KLF12: variants seen among roughly 807,000 people sequenced by gnomAD.
The protein encoded by KLF12 is Krueppel-like factor 12.
KLF12 carries 9 observed loss-of-function variants against 37.8 expected under a neutral mutation model. The observed-to-expected ratio is 0.24, with a 90% confidence interval of 0.14 to 0.42. KLF12 has a LOEUF of 0.42. Among genes scored for constraint, KLF12 ranks in the 10% least tolerant of loss-of-function variants. The pLI is 1.00. For synonymous variants in KLF12, 208 were observed against 202.1 expected (o/e 1.03, Z -0.25); for missense variants, 411 against 516.0 (o/e 0.80, Z 1.97).
chr13:73,842,506 A>G (rs1884790823), intron 4 of KLF12, among the ~76,000 whole-genome samples: 1 of 152,192 alleles, frequency 6.6e-6, no homozygotes, highest in South Asian at 2.1e-4. Context: ...TGCACAATAG[A>G]CAGCTGAAAG....
At chr13:74,009,212 G>C (rs1229992218) in intron 1 of KLF12, among the ~76,000 whole-genome samples, 2 of 152,200 alleles carry the variant, frequency 1.3e-5, no homozygotes, top group African/African-American at 4.8e-5. Context: ...CACTTGGAAT[G>C]CTCAGGAATC....
At chr13:74,275,156 G>A in the KLF12 span, among the ~76,000 whole-genome samples, 1 of 152,150 alleles carries the variant, frequency 6.6e-6, no homozygotes, top group Non-Finnish European at 1.5e-5. Context: ...TGAAAGCCTT[G>A]TAATTTGAAC....
chr13:74,095,771 A>C (rs566612270), intron 1 of KLF12, among the ~76,000 whole-genome samples: 1 of 152,342 alleles, frequency 6.6e-6, no homozygotes, highest in African/African-American at 2.4e-5. Flanking sequence ...GAATTAAAAC[A>C]ATTTAAACCC....
the KLF12 span, among the ~76,000 whole-genome samples, chr13:74,298,335 C>T: frequency 2.6e-5 from 4 of 152,164 alleles, no homozygotes; most frequent in South Asian, 8.3e-4. Flanking sequence ...TAGAAGTAGA[C>T]TGTGAAATTG....
the KLF12 span, among the ~76,000 whole-genome samples, chr13:74,291,504 G>A: frequency 6.6e-6 from 1 of 152,176 alleles, no homozygotes; most frequent in Admixed American, 6.5e-5. Context: ...AGACAACAAG[G>A]TCAGTCTGTT....
chr13:74,088,407 T>C (rs1272052781), intron 1 of KLF12, among the ~76,000 whole-genome samples: 1 of 152,096 alleles, frequency 6.6e-6, no homozygotes, highest in Non-Finnish European at 1.5e-5. Flanking sequence ...TTTATATTTT[T>C]AGTAAAGACG....
intron 6 of KLF12, among the ~76,000 whole-genome samples, chr13:73,716,920 G>C (rs1205222032): frequency 6.6e-6 from 1 of 152,052 alleles, no homozygotes; most frequent in East Asian, 1.9e-4. Context: ...GCTTATTACA[G>C]TTTTACTGGC....
chr13:73,770,792 G>A (rs1260043295), intron 5 of KLF12, among the ~76,000 whole-genome samples: 2 of 152,104 alleles, frequency 1.3e-5, no homozygotes, highest in Admixed American at 6.6e-5. Context: ...CAAAGTGCTG[G>A]GATTACAGGC....
chr13:73,947,935 A>G (rs2139391249), intron 2 of KLF12, among the ~76,000 whole-genome samples: 1 of 152,310 alleles, frequency 6.6e-6, no homozygotes, highest in East Asian at 1.9e-4. Context: ...CAAATGGAGT[A>G]ATAAGGAGCT....
At chr13:74,125,934 G>T (rs576509580) in intron 1 of KLF12, among the ~76,000 whole-genome samples, 31 of 152,134 alleles carry the variant, frequency 2.0e-4, no homozygotes, top group Non-Finnish European at 3.2e-4. Flanking sequence ...AAGTCCAGGG[G>T]GCTTTCTAGC....
At chr13:74,301,885 C>T in the KLF12 span, among the ~76,000 whole-genome samples, 5 of 152,168 alleles carry the variant, frequency 3.3e-5, no homozygotes, top group Admixed American at 3.3e-4. Context: ...GTTAAATGAC[C>T]GCCCAGCACC....
the KLF12 span, among the ~76,000 whole-genome samples, chr13:74,143,244 T>C: frequency 1.5e-5 from 2 of 131,842 alleles, no homozygotes; most frequent in Non-Finnish European, 3.3e-5. Context: ...AAATTGTGGA[T>C]AATTTATCCA....
upstream of KLF12, among the ~76,000 whole-genome samples, chr13:74,135,963 C>G (rs534310185): frequency 3.6e-4 from 55 of 152,296 alleles, no homozygotes; most frequent in African/African-American, 1.2e-3. Flanking sequence ...AAGGCGGCGT[C>G]TGCCTGGTGC....
intron 1 of KLF12, among the ~76,000 whole-genome samples, chr13:74,063,027 C>G (rs1393984189): frequency 6.6e-6 from 1 of 152,166 alleles, no homozygotes; most frequent in Non-Finnish European, 1.5e-5. Flanking sequence ...TGCTGTCAGT[C>G]AGCAGGAAAA....
At chr13:74,031,355 T>G (rs966426362) in intron 1 of KLF12, among the ~76,000 whole-genome samples, 4 of 152,170 alleles carry the variant, frequency 2.6e-5, no homozygotes, top group African/African-American at 7.2e-5. Flanking sequence ...CTACCAACAA[T>G]ATGCTATATG....
chr13:74,183,531 G>C, the KLF12 span, among the ~76,000 whole-genome samples: 1 of 151,600 alleles, frequency 6.6e-6, no homozygotes, highest in Non-Finnish European at 1.5e-5. Flanking sequence ...TTTTTTTCTG[G>C]TTATGAAAAC....
chr13:73,861,849 T>A (rs549258390), intron 3 of KLF12, among the ~76,000 whole-genome samples: 4 of 152,178 alleles, frequency 2.6e-5, no homozygotes, highest in Non-Finnish European at 5.9e-5. Context: ...TGTATTCTTG[T>A]GACATCTTAG....
At chr13:73,928,621 T>C (rs1159384890) in intron 3 of KLF12, among the ~76,000 whole-genome samples, 3 of 152,234 alleles carry the variant, frequency 2.0e-5, no homozygotes, top group Non-Finnish European at 4.4e-5. Flanking sequence ...TATTTCAATA[T>C]GCATTTTTCA....
In KLF12 at chr13:73,906,253, A is replaced by G. The variant is rs186905888; in HGVS notation, c.123+37728T>C. Among the ~76,000 whole-genome samples, 220 of 152,296 alleles carry G rather than the reference A, an allele frequency of 1.4e-3. 1 individual carries two copies. The highest frequency in any genetic ancestry group is 4.4e-3 in the African/African-American group (184 of 41,556). ...TACTTTGTACAACCTGAATCTTGGA[A>G]TTTGCATGTTTTATTAGTTCATAAA... On this transcript the variant is annotated intron_variant, in intron 3 of 7. Transcript: ENST00000377669.
Sources: gnomAD v4.1 joint callset for allele counts (sites outside exome capture counted in the v4.1 genomes callset) on GRCh38, gnomAD v4.1.1 for gene constraint, MANE v1.5 for transcripts, NCBI Gene and HGNC (gene_info 2026-07-23, HGNC 2026-07-21) for gene names.